The following CDH17 variants were observed in gnomAD, a reference collection of about 807,000 sequenced individuals.
CDH17 encodes cadherin 17.
Under a neutral mutation model 86.3 loss-of-function variants are expected in CDH17, and 67 were observed. The ratio of observed to expected loss-of-function variants is 0.78; its 90% CI spans 0.64 to 0.95. The LOEUF is 0.95. Ranked by LOEUF, CDH17 falls within the 40% of genes least tolerant of loss-of-function variation. CDH17 has a pLI of 0.00. For missense variants in CDH17, 993 were observed against 1,017.6 expected (o/e 0.98, Z 0.33); for synonymous variants, 367 against 366.4 (o/e 1.00, Z -0.02).
intron 4 of CDH17, among the ~76,000 whole-genome samples, chr8:94,177,038 G>A (rs1036030430): frequency 6.6e-6 from 1 of 152,218 alleles, no homozygotes; most frequent in Non-Finnish European, 1.5e-5. Context: ...AGAAGTACCA[G>A]ACAGAAAGCT....
chr8:94,203,786 T>C (rs1236962689), intron 1 of CDH17, among the ~76,000 whole-genome samples: 1 of 152,086 alleles, frequency 6.6e-6, no homozygotes, highest in Non-Finnish European at 1.5e-5. Context: ...GGGGAGGGAA[T>C]GGGCAGCTGG....
At chr8:94,199,967 T>C (rs1045413235) in intron 1 of CDH17, among the ~76,000 whole-genome samples, 1 of 152,248 alleles carries the variant, frequency 6.6e-6, no homozygotes, top group African/African-American at 2.4e-5. Context: ...TAGTCAAAAC[T>C]GTAAACATTG....
intron 13 of CDH17, among the ~76,000 whole-genome samples, chr8:94,150,541 T>A (rs1812837141): frequency 6.6e-6 from 1 of 152,230 alleles, no homozygotes; most frequent in East Asian, 1.9e-4. Flanking sequence ...TTATTACTCA[T>A]GTCTGAACTA....
At chr8:94,177,844 A>G (rs529868004) in intron 3 of CDH17, 123 bp from the exon 4 acceptor site, 8 of 873,920 alleles carry the variant, frequency 9.2e-6, no homozygotes, top group South Asian at 6.9e-5. Flanking sequence ...GAAATCCTCA[A>G]CTTTTAAAGT....
At chr8:94,174,079 T>A (rs757599531) in intron 6 of CDH17, 23 bp downstream of exon 6, 6 of 1,612,488 alleles carry the variant, frequency 3.7e-6, no homozygotes, top group African/African-American at 1.3e-5. Flanking sequence ...GAGACAGTCC[T>A]ACCAGGGCAC....
intron 3 of CDH17, among the ~76,000 whole-genome samples, chr8:94,186,214 A>G (rs1440792292): frequency 6.6e-6 from 1 of 152,166 alleles, no homozygotes; most frequent in African/African-American, 2.4e-5. Context: ...CAATAAGCCT[A>G]AAACTCATTC....
intron 1 of CDH17, among the ~76,000 whole-genome samples, chr8:94,204,291 C>T (rs540709053): frequency 6.6e-5 from 10 of 152,014 alleles, no homozygotes; most frequent in Non-Finnish European, 1.5e-4. Context: ...TCCTAATACT[C>T]TCCCTCCGCT....
rs529699893 is a variant in CDH17, at chr8:94,139,277, T to A, written c.2167+6651A>T. Among the ~76,000 whole-genome samples, 3 of 152,002 alleles carry A rather than the reference T, an allele frequency of 2.0e-5. No homozygotes were observed. In the South Asian group the frequency reaches 6.2e-4, roughly 32 times the overall value. ...GGAAAAAACAGTAAACTTGAAGATA[T>A]AGAAATAAAGCTATCCAAAAAGAAA... On this transcript the variant is annotated intron_variant, in intron 15 of 17. Coordinates refer to ENST00000027335, the MANE Select transcript of CDH17 (RefSeq NM_004063.4).
intron 2 of CDH17, among the ~76,000 whole-genome samples, chr8:94,190,443 C>G (rs1813664731): frequency 2.0e-5 from 3 of 152,190 alleles, no homozygotes; most frequent in Admixed American, 2.0e-4. Context: ...ATGGAGTGGG[C>G]ACCCACGGGA....
Position 94,205,142 on chromosome 8 carries a change from G to A in CDH17, c.-21+3341C>T, listed in dbSNP as rs144373984. Among the ~76,000 whole-genome samples the A allele has an allele frequency of 1.8e-3, 271 of 152,164 alleles. 1 individual carries two copies. Among genetic ancestry groups the A allele is most frequent in the African/African-American group, 6.1e-3 (255 of 41,520 alleles). On this transcript the variant is annotated intron_variant, in intron 1 of 17. Transcript: ENST00000027335. ...CCCTCACGTGTGCAGCTATATACCC[G>A]CAAAAACCCTAGAAGGTGGCAGGGG...
chr8:94,190,586 A>G (rs1432396795), intron 2 of CDH17, among the ~76,000 whole-genome samples: 1 of 152,192 alleles, frequency 6.6e-6, no homozygotes, highest in Non-Finnish European at 1.5e-5. Flanking sequence ...CAGGGGTGAA[A>G]GAGATTGAAA....
At chr8:94,204,633 A>G (rs1049170025) in intron 1 of CDH17, among the ~76,000 whole-genome samples, 2 of 152,226 alleles carry the variant, frequency 1.3e-5, no homozygotes, top group African/African-American at 4.8e-5. Context: ...TTATAGTAGA[A>G]TGATTTATAA....
rs1017889864 is a variant in CDH17, at chr8:94,198,171, T to A, written c.-20-3466A>T. Among the ~76,000 whole-genome samples, 13 of 152,318 alleles carry A rather than the reference T, an allele frequency of 8.5e-5. No homozygotes were observed. The East Asian group carries it at 2.5e-3, about 29-fold the overall frequency. The stretch of plus-strand genomic sequence containing the variant: ...TGTATGTATATATATTTATACATGC[T>A]ATATAAATTAAGCAACTTGCCCTGA... On this transcript the variant is annotated intron_variant, in intron 1 of 17. Transcript: ENST00000027335.
Position 94,160,110 on chromosome 8 carries a change from G to A in CDH17, c.1412C>T (p.Thr471Ile), listed in dbSNP as rs1356852516. The change falls in exon 12 of 18, where the codon ACC becomes ATC. Residue 471 changes from threonine (T) to isoleucine (I), a missense_variant. Transcript: ENST00000027335. ...EDTNIGSTIL[T>I]IQATDADEPF... ...CTCATCAGCATCAGTGGCCTGGATG[G>A]TTAAGATGGTGGACCCAATGTTTGT... 6 of 1,613,648 alleles carry A rather than the reference G, an allele frequency of 3.7e-6. No individual in the cohort carries two copies. Among genetic ancestry groups the A allele is most frequent in the East Asian group, 4.5e-5 (2 of 44,856 alleles).
At chr8:94,210,091 G>T (rs1817245), upstream of CDH17, among the ~76,000 whole-genome samples, 1 of 151,608 alleles carries the variant, frequency 6.6e-6, no homozygotes, top group Non-Finnish European at 1.5e-5. Context: ...GACACAGAGA[G>T]GTTTTATTTC....
Position 94,162,101 on chromosome 8 carries a change from G to A in CDH17, c.1344C>T (p.Ile448=). 1 of 1,596,018 alleles carries A rather than the reference G, an allele frequency of 6.3e-7. No homozygotes were observed. The highest frequency in any genetic ancestry group is 1.3e-5 in the African/African-American group (1 of 74,694). ...NVIDINDQIP[I]FEKSDYGNLT... ...AACTACTCACATCTGATTTTTCAAA[G>A]ATGGGGATCTGATCATTGATATCAA... The change falls in exon 11 of 18, where the codon ATC becomes ATT. Residue 448 remains isoleucine, a synonymous_variant. Transcript: ENST00000027335.
In CDH17 at chr8:94,189,259, C is replaced by T; in HGVS notation, c.78G>A (p.Lys26=). 6.2e-7 allele frequency: 1 copy of T among 1,611,986 alleles called. No individual in the cohort carries two copies. The highest frequency in any genetic ancestry group is 8.5e-7 in the Non-Finnish European group (1 of 1,179,200). ...TCATGGGTTTCAGGGGTCCACTAAA[C>T]TTCCCCTCTTGGCCATATCCAGTTG... ...YLATGYGQEG[K]FSGPLKPMTF... Residue 26 remains lysine, a synonymous_variant, in exon 3 of 18, where the codon AAG becomes AAA. Transcript: ENST00000027335.
intron 1 of CDH17, among the ~76,000 whole-genome samples, chr8:94,203,932 A>T (rs931453552): frequency 1.3e-5 from 2 of 152,236 alleles, no homozygotes; most frequent in African/African-American, 4.8e-5. Flanking sequence ...CCAATCTTTC[A>T]GTATATGAAA....
chr8:94,131,289 T>C (rs910838216), intron 15 of CDH17, among the ~76,000 whole-genome samples: 19 of 152,228 alleles, frequency 1.2e-4, no homozygotes, highest in Non-Finnish European at 2.5e-4. Context: ...AATTAATGAA[T>C]GCTGAACCAT....
Sources: gnomAD v4.1 joint callset for allele counts (sites outside exome capture counted in the v4.1 genomes callset) on GRCh38, gnomAD v4.1.1 for gene constraint, MANE v1.5 for transcripts, NCBI Gene and HGNC (gene_info 2026-07-23, HGNC 2026-07-21) for gene names.